The following RBM20 variants were observed in gnomAD, a reference collection of about 807,000 sequenced individuals.
RBM20 encodes RNA binding motif protein 20.
Under a neutral mutation model 110.1 loss-of-function variants are expected in RBM20, and 51 were observed. The observed-to-expected ratio is 0.46, with a 90% CI of 0.37 to 0.59. RBM20 has a LOEUF of 0.59. Ranked by LOEUF, RBM20 falls within the 20% of genes least tolerant of loss-of-function variation. RBM20 has a pLI of 0.00. For missense variants in RBM20, 1,512 were observed against 1,574.9 expected (o/e 0.96, Z 0.68); for synonymous variants, 589 against 618.2 (o/e 0.95, Z 0.70).
intron 1 of RBM20, among the ~76,000 whole-genome samples, chr10:110,733,594 G>A (rs1843640766): frequency 6.6e-6 from 1 of 152,222 alleles, no homozygotes; most frequent in African/African-American, 2.4e-5. Context: ...TGGTTAATCA[G>A]GGGTGCATTC....
intron 1 of RBM20, among the ~76,000 whole-genome samples, chr10:110,659,580 G>C (rs1391384122): frequency 6.6e-6 from 1 of 152,068 alleles, no homozygotes; most frequent in Non-Finnish European, 1.5e-5. Context: ...TAGGATAAAT[G>C]GTGGAAATGA....
intron 5 of RBM20, among the ~76,000 whole-genome samples, chr10:110,795,057 C>T (rs1271097296): frequency 3.3e-5 from 5 of 152,226 alleles, no homozygotes; most frequent in Non-Finnish European, 7.3e-5. Context: ...CACACATTAG[C>T]ACAGGCCAAC....
intron 13 of RBM20, 105 bp from the exon 14 acceptor site, chr10:110,835,763 C>T: frequency 8.4e-7 from 1 of 1,184,778 alleles, no homozygotes; most frequent in Non-Finnish European, 1.2e-6. Flanking sequence ...CACAGCTGGG[C>T]ACAGATGCCA....
chr10:110,748,683 T>TTCTCTCTC, intron 1 of RBM20, among the ~76,000 whole-genome samples: 1 of 150,234 alleles, frequency 6.7e-6, no homozygotes, highest in South Asian at 2.1e-4. Context: ...CTCTCTCTCT[T>TTCTCTCTC]TCTCTCTCTC....
chr10:110,823,421 T>C, intron 11 of RBM20, 59 bp from the exon 12 acceptor site: 1 of 1,487,638 alleles, frequency 6.7e-7, no homozygotes, highest in Non-Finnish European at 8.9e-7. Context: ...CTTTGAGGCA[T>C]GTTGTATTTC....
intron 8 of RBM20, among the ~76,000 whole-genome samples, 197 bp downstream of exon 8, chr10:110,810,659 C>A (rs543533011): frequency 6.6e-6 from 1 of 152,308 alleles, no homozygotes; most frequent in East Asian, 1.9e-4. Context: ...CTCCGGTTAA[C>A]CTCAGGAAAA....
chr10:110,723,757 T>C (rs1843533495), intron 1 of RBM20, among the ~76,000 whole-genome samples: 1 of 152,240 alleles, frequency 6.6e-6, no homozygotes, highest in Non-Finnish European at 1.5e-5. Flanking sequence ...CCTTTGCCTA[T>C]TTTTAATTGG....
At chr10:110,794,780 C>T (rs141782789) in intron 5 of RBM20, among the ~76,000 whole-genome samples, 135 of 152,322 alleles carry the variant, frequency 8.9e-4, no homozygotes, top group African/African-American at 3.2e-3. Context: ...TTAATTGAGA[C>T]CCATTCACTT....
chr10:110,749,681 A>G (rs562138911), intron 1 of RBM20, among the ~76,000 whole-genome samples: 3 of 152,312 alleles, frequency 2.0e-5, no homozygotes, highest in East Asian at 1.9e-4. Flanking sequence ...AGCAAATGAA[A>G]GAGCAGAGAA....
At chr10:110,791,905 AC>A (rs77553553) in intron 5 of RBM20, among the ~76,000 whole-genome samples, 61,575 of 151,974 alleles carry the variant, frequency 0.41, 12,999 homozygotes, top group South Asian at 0.6. Flanking sequence ...CACCTGTCTT[AC>A]GTGTGGCTCC....
intron 1 of RBM20, among the ~76,000 whole-genome samples, chr10:110,778,571 A>T (rs912683123): frequency 7.9e-5 from 12 of 152,182 alleles, no homozygotes; most frequent in Non-Finnish European, 1.8e-4. Flanking sequence ...TGCAGTGTCT[A>T]CCCTGTACTG....
intron 1 of RBM20, among the ~76,000 whole-genome samples, chr10:110,704,332 T>C (rs1014581088): frequency 1.3e-5 from 2 of 152,346 alleles, no homozygotes; most frequent in South Asian, 4.1e-4. Flanking sequence ...TTTTGGCTAT[T>C]ACAAAGAAAG....
rs78586158 is a variant in RBM20 at position 110,819,321 on chromosome 10, C to T, written c.2551-751C>T. On this transcript the variant is annotated intron_variant, in intron 9 of 13. Coordinates refer to ENST00000369519, the MANE Select transcript of RBM20 (RefSeq NM_001134363.3). ...TTTTATGTAGGCACTTCTATAATCA[C>T]TTAAAATGTAATTATGTAAACGTGT... 4.0e-3 allele frequency among the ~76,000 whole-genome samples: 602 copies of T among 152,348 alleles called. 4 individuals are homozygous for T. The highest frequency in any genetic ancestry group is 0.014 in the African/African-American group (581 of 41,576).
At chr10:110,809,718 G>A (rs1405944968) in intron 7 of RBM20, among the ~76,000 whole-genome samples, 1 of 152,190 alleles carries the variant, frequency 6.6e-6, no homozygotes, top group Non-Finnish European at 1.5e-5. Context: ...ATCAGCTGAT[G>A]TCTGTGCTTG....
chr10:110,730,472 C>T (rs914120381), intron 1 of RBM20, among the ~76,000 whole-genome samples: 6 of 152,290 alleles, frequency 3.9e-5, no homozygotes, highest in Admixed American at 1.3e-4. Context: ...GCTTCAGTCC[C>T]GAGGACTCCT....
rs771353277 is a variant in RBM20 at position 110,820,069 on chromosome 10, A to G, written c.2551-3A>G. 2.6e-6 allele frequency: 4 copies of G among 1,542,298 alleles called. No homozygotes were observed. The highest frequency in any genetic ancestry group is 2.6e-6 in the Non-Finnish European group (3 of 1,140,940). ...TGGTTTGCTCTGTTCTTCCTTTGAT[A>G]AGGCTGGAAAAGAGGAACAGGAGGG... On this transcript the variant is annotated splice_region_variant and splice_polypyrimidine_tract_variant and intron_variant, in intron 9 of 13. Transcript: ENST00000369519.
intron 1 of RBM20, among the ~76,000 whole-genome samples, chr10:110,650,005 G>T (rs1861923812): frequency 6.6e-6 from 1 of 152,204 alleles, no homozygotes; most frequent in Non-Finnish European, 1.5e-5. Flanking sequence ...TTGTTGGTGA[G>T]CTGATAGTTT....
chr10:110,645,386 C>T (rs1363794522), intron 1 of RBM20, among the ~76,000 whole-genome samples: 1 of 152,002 alleles, frequency 6.6e-6, no homozygotes, highest in Non-Finnish European at 1.5e-5. Context: ...TTCGTGTGAC[C>T]GTTTAAGGCC....
chr10:110,792,161 A>G (rs974577029), intron 5 of RBM20, among the ~76,000 whole-genome samples: 20 of 151,600 alleles, frequency 1.3e-4, no homozygotes, highest in Non-Finnish European at 2.5e-4. Flanking sequence ...CTATCTATCT[A>G]TCTATCTATC....
Sources: allele counts gnomAD v4.1 joint callset (sites outside exome capture counted in the v4.1 genomes callset), GRCh38; gene constraint gnomAD v4.1.1; transcripts MANE v1.5; gene names NCBI Gene and HGNC (gene_info 2026-07-23, HGNC 2026-07-21).